The following SYNPR variants were observed in gnomAD, a reference collection of about 807,000 sequenced individuals.
The protein encoded by SYNPR is synaptoporin.
In SYNPR, 23 loss-of-function variants were observed where a neutral mutation model predicts 32.9. The observed-to-expected ratio is 0.70, with a 90% CI of 0.50 to 0.99. SYNPR has a LOEUF of 0.99. Among genes scored for constraint, SYNPR ranks in the 50% least tolerant of loss-of-function variants. The probability of loss-of-function intolerance (pLI) is 0.00; values close to 1 mark genes in which losing one functional copy is unlikely to be tolerated. For missense variants in SYNPR, 318 were observed against 349.3 expected, an observed-to-expected ratio of 0.91 and a Z score of 0.71; for synonymous variants, 146 against 135.9, an observed-to-expected ratio of 1.07 and a Z score of -0.52.
intron 3 of SYNPR, among the ~76,000 whole-genome samples, chr3:63,551,462 T>C (rs1702498531): frequency 6.6e-6 from 1 of 152,218 alleles, no homozygotes; most frequent in Admixed American, 6.5e-5. Flanking sequence ...TGGAGTCATA[T>C]GATAACTCTA....
intron 2 of SYNPR, among the ~76,000 whole-genome samples, chr3:63,379,707 C>G (rs6770191): frequency 0.026 from 3,969 of 151,542 alleles, 161 homozygotes; most frequent in African/African-American, 0.09. Flanking sequence ...TATTATTATA[C>G]TCTAAGTTTT....
intron 2 of SYNPR, among the ~76,000 whole-genome samples, chr3:63,476,005 C>T (rs1700895064): frequency 1.3e-5 from 2 of 151,012 alleles, no homozygotes. Context: ...TTCTTCCACC[C>T]CACCAAGCGT....
At chr3:63,325,213 C>T (rs1560192699) in intron 2 of SYNPR, among the ~76,000 whole-genome samples, 1 of 152,060 alleles carries the variant, frequency 6.6e-6, no homozygotes, top group Admixed American at 6.5e-5. Flanking sequence ...TGACAAGAGA[C>T]AGAACGTTAA....
intron 2 of SYNPR, among the ~76,000 whole-genome samples, chr3:63,473,304 A>G (rs1276572986): frequency 6.6e-6 from 1 of 152,182 alleles, no homozygotes; most frequent in East Asian, 1.9e-4. Context: ...CACCACAGTA[A>G]AGCACCATTG....
At chr3:63,372,725 C>T (rs986532388) in intron 2 of SYNPR, among the ~76,000 whole-genome samples, 1 of 152,200 alleles carries the variant, frequency 6.6e-6, no homozygotes, top group African/African-American at 2.4e-5. Context: ...CCCCTGCTGC[C>T]TCCAAGCTGG....
chr3:63,299,129 A>G (rs1318063745), intron 2 of SYNPR, among the ~76,000 whole-genome samples: 1 of 152,174 alleles, frequency 6.6e-6, no homozygotes, highest in Non-Finnish European at 1.5e-5. Context: ...TGGGGATTGC[A>G]AGAAGCAATA....
At chr3:63,496,019 T>C (rs1280453930) in intron 3 of SYNPR, among the ~76,000 whole-genome samples, 2 of 152,124 alleles carry the variant, frequency 1.3e-5, no homozygotes, top group Non-Finnish European at 2.9e-5. Flanking sequence ...GTGCAGAATG[T>C]CAATAACAGG....
intron 4 of SYNPR, among the ~76,000 whole-genome samples, chr3:63,587,708 T>C (rs1242956934): frequency 1.3e-5 from 2 of 152,124 alleles, no homozygotes; most frequent in African/African-American, 4.8e-5. Flanking sequence ...ATTATTGTTT[T>C]GTTTTATTTT....
chr3:63,362,331 T>G (rs1167791627), intron 2 of SYNPR, among the ~76,000 whole-genome samples: 1 of 152,218 alleles, frequency 6.6e-6, no homozygotes, highest in African/African-American at 2.4e-5. Flanking sequence ...GTTTTGCTAC[T>G]GCAGTATATT....
In SYNPR at chr3:63,313,184, G is replaced by A. The variant is rs545070329; in HGVS notation, c.84+34442G>A. On this transcript the variant is annotated intron_variant, in intron 2 of 5. Transcript: ENST00000478300. ...AATGAGTATCTTCCTAACTCAAGTG[G>A]CCACTTCAGTTGAAGAAAGGTTGAT... Among the ~76,000 whole-genome samples, 100 of 151,950 alleles carry A rather than the reference G, an allele frequency of 6.6e-4. 2 individuals are homozygous for A. Among genetic ancestry groups the A allele is most frequent in the Non-Finnish European group, 1.1e-3 (74 of 67,910 alleles).
At chr3:63,279,413 C>T (rs1471622725) in intron 2 of SYNPR, among the ~76,000 whole-genome samples, 2 of 152,172 alleles carry the variant, frequency 1.3e-5, no homozygotes, top group African/African-American at 4.8e-5. Flanking sequence ...TTTGCCATGG[C>T]TTTCTTCAGC....
chr3:63,223,795 C>G (rs2086110363), upstream of SYNPR, among the ~76,000 whole-genome samples: 1 of 152,068 alleles, frequency 6.6e-6, no homozygotes, highest in Non-Finnish European at 1.5e-5. Context: ...ACTTTTTCTA[C>G]TTTCTATTGT....
intron 2 of SYNPR, among the ~76,000 whole-genome samples, chr3:63,297,774 T>G (rs975641577): frequency 2.6e-5 from 4 of 152,022 alleles, no homozygotes; most frequent in African/African-American, 9.7e-5. Flanking sequence ...TGGCTGGAGA[T>G]GCAATCATGG....
chr3:63,503,082 C>T (rs1322425783), intron 3 of SYNPR, among the ~76,000 whole-genome samples: 1 of 152,134 alleles, frequency 6.6e-6, no homozygotes, highest in Non-Finnish European at 1.5e-5. Context: ...AGCCATTTTG[C>T]ATTCCCACCA....
At chr3:63,354,367 T>C (rs2087547844) in intron 2 of SYNPR, among the ~76,000 whole-genome samples, 1 of 152,156 alleles carries the variant, frequency 6.6e-6, no homozygotes, top group East Asian at 1.9e-4. Context: ...CTGGCTAATT[T>C]CCAAACCTCC....
At chr3:63,437,380 C>T (rs923131476) in intron 2 of SYNPR, among the ~76,000 whole-genome samples, 1 of 151,990 alleles carries the variant, frequency 6.6e-6, no homozygotes, top group African/African-American at 2.4e-5. Flanking sequence ...GTGACAAGAC[C>T]ACACAAGTAG....
intron 2 of SYNPR, among the ~76,000 whole-genome samples, chr3:63,344,461 A>G (rs2087410095): frequency 2.0e-5 from 3 of 152,152 alleles, no homozygotes; most frequent in Non-Finnish European, 2.9e-5. Flanking sequence ...GAGAAATTGT[A>G]AAATGTCTAC....
intron 1 of SYNPR, among the ~76,000 whole-genome samples, chr3:63,240,682 G>A (rs908305751): frequency 3.3e-5 from 5 of 152,130 alleles, no homozygotes; most frequent in South Asian, 2.1e-4. Context: ...CCATCATTGC[G>A]AAGGACATTA....
At chr3:63,254,704 C>T (rs1047565659) in intron 2 of SYNPR, among the ~76,000 whole-genome samples, 4 of 151,998 alleles carry the variant, frequency 2.6e-5, no homozygotes, top group African/African-American at 7.3e-5. Context: ...TACTATGGGC[C>T]GAATTGTGTT....
Sources: gnomAD v4.1 joint callset for allele counts (sites outside exome capture counted in the v4.1 genomes callset) on GRCh38, gnomAD v4.1.1 for gene constraint, MANE v1.5 for transcripts, NCBI Gene and HGNC (gene_info 2026-07-23, HGNC 2026-07-21) for gene names.